Variants in PARD3 observed in about 807,000 individuals in gnomAD.
The protein encoded by PARD3 is par-3 family cell polarity regulator, also known as partitioning defective 3 homolog.
PARD3 carries 75 observed loss-of-function variants against 155.4 expected under a neutral mutation model. That is an observed-to-expected ratio of 0.48 (90% CI 0.40 to 0.58). PARD3 has a LOEUF of 0.58. PARD3 is among the 20% of genes least tolerant of loss of function. The pLI is 0.00. For missense variants in PARD3, 1,642 were observed against 1,721.7 expected, an observed-to-expected ratio of 0.95 and a Z score of 0.82; for synonymous variants, 576 against 610.5, an observed-to-expected ratio of 0.94 and a Z score of 0.83.
intron 19 of PARD3, among the ~76,000 whole-genome samples, chr10:34,321,488 A>G (rs971546326): frequency 1.3e-5 from 2 of 152,210 alleles, no homozygotes; most frequent in Non-Finnish European, 2.9e-5. Context: ...ACAAATAGAA[A>G]TTTCCATTTT....
intron 22 of PARD3, among the ~76,000 whole-genome samples, chr10:34,207,371 T>C (rs895121609): frequency 6.6e-5 from 10 of 152,214 alleles, no homozygotes; most frequent in Admixed American, 3.9e-4. Context: ...GAGATGGAGC[T>C]GATTTCCTAC....
intron 2 of PARD3, among the ~76,000 whole-genome samples, chr10:34,606,965 T>TAAA (rs531578595): frequency 0.024 from 2,804 of 114,692 alleles, 51 homozygotes; most frequent in Middle Eastern, 0.041. Flanking sequence ...GACTCTGTCT[T>TAAA]AAAAAAAAAA....
intron 2 of PARD3, among the ~76,000 whole-genome samples, chr10:34,662,764 C>G (rs1026912729): frequency 6.6e-6 from 1 of 151,586 alleles, no homozygotes; most frequent in Admixed American, 6.6e-5. Context: ...TCCAGCTACT[C>G]GGGAGGCTGG....
At chr10:34,499,653 A>G (rs2080545837) in intron 3 of PARD3, among the ~76,000 whole-genome samples, 1 of 152,226 alleles carries the variant, frequency 6.6e-6, no homozygotes, top group African/African-American at 2.4e-5. Context: ...ATAGTCTTTT[A>G]TCATGCTGCA....
intron 2 of PARD3, among the ~76,000 whole-genome samples, chr10:34,603,543 G>A (rs1218819863): frequency 6.6e-6 from 1 of 152,010 alleles, no homozygotes; most frequent in Non-Finnish European, 1.5e-5. Context: ...TTCATCTTTT[G>A]TTTGGGCAAA....
chr10:34,285,943 AT>A (rs1956367269), intron 20 of PARD3, among the ~76,000 whole-genome samples: 1 of 152,200 alleles, frequency 6.6e-6, no homozygotes, highest in African/African-American at 2.4e-5. Context: ...TTAAAATTAA[AT>A]TTTTGATCAC....
intron 2 of PARD3, among the ~76,000 whole-genome samples, chr10:34,652,921 C>T (rs1475672185): frequency 1.3e-5 from 2 of 152,056 alleles, no homozygotes; most frequent in Admixed American, 1.3e-4. Flanking sequence ...CAATGAGTAG[C>T]TAAGGCAAAT....
chr10:34,407,000 T>C (rs1844545541), intron 5 of PARD3, among the ~76,000 whole-genome samples: 1 of 152,126 alleles, frequency 6.6e-6, no homozygotes, highest in Admixed American at 6.6e-5. Flanking sequence ...GGAACAACTC[T>C]TATCTTCCAT....
chr10:34,811,951 G>C (rs1024037665), intron 1 of PARD3, among the ~76,000 whole-genome samples: 5 of 152,176 alleles, frequency 3.3e-5, no homozygotes, highest in Non-Finnish European at 7.3e-5. Flanking sequence ...AATGCAGATG[G>C]GTGGATGAGG....
At chr10:34,671,995 G>A (rs2093618406) in intron 2 of PARD3, among the ~76,000 whole-genome samples, 1 of 151,798 alleles carries the variant, frequency 6.6e-6, no homozygotes, top group Non-Finnish European at 1.5e-5. Context: ...GGCAACATAG[G>A]GAGACCCCAT....
chr10:34,278,035 T>C (rs1018307738), intron 21 of PARD3, among the ~76,000 whole-genome samples: 12 of 152,138 alleles, frequency 7.9e-5, no homozygotes, highest in African/African-American at 2.2e-4. Context: ...ATTTTAACAA[T>C]TGATTATATT....
chr10:34,784,659 A>G (rs1209721099), intron 1 of PARD3, among the ~76,000 whole-genome samples: 2 of 151,884 alleles, frequency 1.3e-5, no homozygotes, highest in African/African-American at 4.8e-5. Flanking sequence ...CTGGTCTCGA[A>G]CTCCTGACCT....
chr10:34,316,739 T>A (rs1446963038), intron 20 of PARD3, among the ~76,000 whole-genome samples: 1 of 152,192 alleles, frequency 6.6e-6, no homozygotes, highest in Non-Finnish European at 1.5e-5. Flanking sequence ...ATTATTTACA[T>A]GGTTGGCAAG....
At chr10:34,673,994 A>AAAC (rs1469136834) in intron 2 of PARD3, among the ~76,000 whole-genome samples, 4 of 151,736 alleles carry the variant, frequency 2.6e-5, no homozygotes, top group Non-Finnish European at 5.9e-5. Flanking sequence ...CAAAAAAAAA[A>AAAC]AAACAAACAA....
chr10:34,181,182 G>A (rs541024683), intron 22 of PARD3, among the ~76,000 whole-genome samples: 1 of 152,248 alleles, frequency 6.6e-6, no homozygotes, highest in Admixed American at 6.5e-5. Context: ...CTTTTAAGGA[G>A]AATATTCTGT....
intron 22 of PARD3, among the ~76,000 whole-genome samples, chr10:34,154,247 G>T (rs142406964): frequency 6.2e-4 from 95 of 152,282 alleles, no homozygotes; most frequent in African/African-American, 2.1e-3. Context: ...TGTGAGACTG[G>T]AAAGTAGAAT....
At chr10:34,619,707 T>C (rs1269014332) in intron 2 of PARD3, among the ~76,000 whole-genome samples, 3 of 152,170 alleles carry the variant, frequency 2.0e-5, no homozygotes, top group East Asian at 3.9e-4. Context: ...AGAATATAAA[T>C]AGCATTTTAG....
At chr10:34,688,696 T>C (rs2093994763) in intron 2 of PARD3, among the ~76,000 whole-genome samples, 1 of 152,172 alleles carries the variant, frequency 6.6e-6, no homozygotes, top group Non-Finnish European at 1.5e-5. Flanking sequence ...GGGTAAATCC[T>C]GGAAGTGAGA....
chr10:34,606,316 C>T (rs967127455), intron 2 of PARD3, among the ~76,000 whole-genome samples: 3 of 150,912 alleles, frequency 2.0e-5, no homozygotes, highest in African/African-American at 7.4e-5. Flanking sequence ...GCAGTATAGG[C>T]ACCACAAACT....
Sources: allele counts gnomAD v4.1 joint callset (sites outside exome capture counted in the v4.1 genomes callset), GRCh38; gene constraint gnomAD v4.1.1; transcripts MANE v1.5; gene names NCBI Gene and HGNC (gene_info 2026-07-23, HGNC 2026-07-21).